The following RRP7A variants were observed in gnomAD, a reference collection of about 807,000 sequenced individuals.
The protein encoded by RRP7A is ribosomal RNA processing 7 homolog A.
Under a neutral mutation model 38.4 loss-of-function variants are expected in RRP7A, and 27 were observed. That is an observed-to-expected ratio of 0.70 (90% CI 0.52 to 0.97). The LOEUF (loss-of-function observed/expected upper bound fraction) is 0.97, where lower values mean the gene tolerates loss of function less well. RRP7A is among the 50% of genes least tolerant of loss of function. The pLI, the probability that RRP7A is intolerant of heterozygous loss-of-function variation, is 0.00. For missense variants in RRP7A, 327 were observed against 375.4 expected, an observed-to-expected ratio of 0.87 and a Z score of 1.07; for synonymous variants, 124 against 150.3, an observed-to-expected ratio of 0.83 and a Z score of 1.28.
In RRP7A at chr22:42,512,906, C is replaced by T. The variant is rs573382202; in HGVS notation, c.*4G>A. 2 of 1,612,868 alleles carry T rather than the reference C, an allele frequency of 1.2e-6. No individual in the cohort carries two copies. The highest frequency in any genetic ancestry group is 3.3e-5 in the Admixed American group (2 of 59,972). On this transcript the variant is annotated 3_prime_UTR_variant, in exon 7 of 7. Coordinates refer to ENST00000323013, the MANE Select transcript of RRP7A (RefSeq NM_015703.5). ...CTCCAGCCATTCACTGCGGCTCTCA[C>T]AGCTCAGTACGGTCGGAATTTGCGC...
chr22:42,516,425 T>C, intron 2 of RRP7A: 1 of 462,258 alleles, frequency 2.2e-6, no homozygotes, highest in South Asian at 1.7e-5. Context: ...TTCTCATGCC[T>C]CAGTCTCCCG....
rs1333236375 is a variant in RRP7A at position 42,510,576 on chromosome 22, G to A, written c.*2334C>T. The A allele has an allele frequency of 7.6e-5, 53 of 694,446 alleles. 2 individuals carry two copies. The highest frequency in any genetic ancestry group is 5.8e-4 in the South Asian group (24 of 41,506). 43.0% of individuals were successfully genotyped at this position (694,446 alleles called of 1,614,324 possible). On this transcript the variant is annotated 3_prime_UTR_variant, in exon 7 of 7. Coordinates refer to ENST00000323013, the MANE Select transcript of RRP7A (RefSeq NM_015703.5). ...GAACCCAGGGCAGGATGGGGGCACC[G>A]CTGGGAGGCGGTTCTAAGATGAACC...
In RRP7A at chr22:42,517,762, C is replaced by T. The variant is rs556018514; in HGVS notation, c.216+243G>A. On this transcript the variant is annotated intron_variant, in intron 2 of 6. Coordinates refer to ENST00000323013, the MANE Select transcript of RRP7A (RefSeq NM_015703.5). Reference sequence around the variant, plus strand: ...CTGGAACTCCTCCCTTCAGGTGATCCGCCCGCCTCAGCCTCCCAAAGTGCT... The same window carrying T: ...CTGGAACTCCTCCCTTCAGGTGATCTGCCCGCCTCAGCCTCCCAAAGTGCT... Among the ~76,000 whole-genome samples, 26 of 152,292 alleles carry T rather than the reference C, an allele frequency of 1.7e-4. 1 individual carries two copies. In the South Asian group the frequency reaches 5.0e-3, roughly 29 times the overall value.
rs544143203 is a variant in RRP7A, at chr22:42,513,362, G to C, written c.758-367C>G. 1.8e-4 allele frequency among the ~76,000 whole-genome samples: 20 copies of C among 108,454 alleles called. No individual in the cohort carries two copies. In the Admixed American group the frequency reaches 1.9e-3, roughly 10 times the overall value. The allele number at this position is 108,454 out of a possible 152,430, so 71.2% of individuals were successfully genotyped here. A position where few individuals can be genotyped will look rare whatever the true frequency, so the allele number is the denominator to read the frequency against. On this transcript the variant is annotated intron_variant, in intron 6 of 6. Coordinates refer to ENST00000323013, the MANE Select transcript of RRP7A (RefSeq NM_015703.5). ...AATCAGTAAAGGCACCCCAGCCCTTGTGCTGGTGAATGCAGATGGCAACCC... is the reference window on the plus strand; with the variant it reads ...AATCAGTAAAGGCACCCCAGCCCTTCTGCTGGTGAATGCAGATGGCAACCC...
In RRP7A at chr22:42,512,793, G is replaced by A. The variant is rs531927112; in HGVS notation, c.*117C>T. The A allele has an allele frequency of 7.7e-5, 78 of 1,016,946 alleles. No homozygotes were observed. The East Asian group carries it at 1.4e-3, about 18-fold the overall frequency. The allele number at this position is 1,016,946 out of a possible 1,614,324, so 63.0% of individuals were successfully genotyped here. ...GGACTCTGATGGGGCTGTTGGACGC[G>A]GTGGCCTTCAACCTGGGGCCCGTTG... On this transcript the variant is annotated 3_prime_UTR_variant, in exon 7 of 7. Transcript: ENST00000323013.
At chr22:42,516,298 T>C in intron 2 of RRP7A, 162 bp from the exon 3 acceptor site, 1 of 905,534 alleles carries the variant, frequency 1.1e-6, no homozygotes, top group Non-Finnish European at 1.7e-6. Flanking sequence ...GCCTCCGACC[T>C]GTTCCCCAGG....
At chr22:42,515,934 C>A in intron 3 of RRP7A, 77 bp downstream of exon 3, 2 of 1,499,960 alleles carry the variant, frequency 1.3e-6, no homozygotes, top group Non-Finnish European at 1.8e-6. Flanking sequence ...TGATGTCCCA[C>A]TGCCAGCTCC....
chr22:42,512,486 G>A lies in RRP7A; in HGVS notation c.*424C>T, dbSNP rs1458343225. On this transcript the variant is annotated 3_prime_UTR_variant, in exon 7 of 7. Transcript: ENST00000323013. ...ATAATCTCCAGCCAGCTGGAGGAAGGAAGGGCGGGCTGGGCCCACCTAGCC... is the reference window on the plus strand; with the variant it reads ...ATAATCTCCAGCCAGCTGGAGGAAGAAAGGGCGGGCTGGGCCCACCTAGCC... 3 of 567,448 alleles carry A rather than the reference G, an allele frequency of 5.3e-6. No individual in the cohort carries two copies. Among genetic ancestry groups the A allele is most frequent in the Non-Finnish European group, 9.4e-6 (3 of 319,732 alleles). 35.2% of individuals were successfully genotyped at this position (567,448 alleles called of 1,614,324 possible). A position where few individuals can be genotyped will look rare whatever the true frequency, so the allele number is the denominator to read the frequency against.
In RRP7A at chr22:42,510,876, G is replaced by A; in HGVS notation, c.*2034C>T. On this transcript the variant is annotated 3_prime_UTR_variant, in exon 7 of 7. Transcript: ENST00000323013. Reference sequence around the variant, plus strand: ...GATCTATCAGGCCTCATGCTCCAGTGATCAGTCCCTAGAGGCCTGGGGACA... The same window carrying A: ...GATCTATCAGGCCTCATGCTCCAGTAATCAGTCCCTAGAGGCCTGGGGACA... 1 of 923,618 alleles carries A rather than the reference G, an allele frequency of 1.1e-6. No homozygotes were observed. The highest frequency in any genetic ancestry group is 1.4e-6 in the Non-Finnish European group (1 of 719,834). 57.2% of individuals were successfully genotyped at this position (923,618 alleles called of 1,614,324 possible).
intron 5 of RRP7A, 56 bp from the exon 6 acceptor site, chr22:42,514,360 C>G: frequency 1.6e-6 from 2 of 1,253,870 alleles, no homozygotes; most frequent in Non-Finnish European, 2.2e-6. Context: ...TCCAGCAGCG[C>G]GCCCTCCACG....
In RRP7A at chr22:42,518,010, T is replaced by C; in HGVS notation, c.211A>G (p.Thr71Ala). 3.1e-6 allele frequency: 5 copies of C among 1,612,652 alleles called. 1 individual carries two copies. The highest frequency in any genetic ancestry group is 3.4e-6 in the Non-Finnish European group (4 of 1,179,292). The change falls in exon 2 of 7, where the codon ACA becomes GCA. Residue 71 changes from threonine to alanine, a missense_variant. Transcript: ENST00000323013. ...CCAGACAGACACTAGCTCACCTCTG[T>C]GCAGTATGGGGGCACATTGAGGACA... ...LFVLNVPPYC[T>A]EESLSRLLST...
chr22:42,519,576 C>G (rs1316495312), intron 1 of RRP7A, 138 bp downstream of exon 1: 3 of 699,154 alleles, frequency 4.3e-6, no homozygotes, highest in Non-Finnish European at 6.3e-6. Context: ...TCAAGACCTG[C>G]GGAGCCTGGG....
In RRP7A at chr22:42,510,451, C is replaced by T. The variant is rs535122919; in HGVS notation, c.*2459G>A. 1.3e-5 allele frequency: 4 copies of T among 303,116 alleles called. No homozygotes were observed. The highest frequency in any genetic ancestry group is 5.2e-5 in the Admixed American group (1 of 19,194). The allele number at this position is 303,116 out of a possible 1,614,324, so 18.8% of individuals were successfully genotyped here. The stretch of plus-strand genomic sequence containing the variant: ...TTGCGCCTGGCTTGTGCCAGCTGAG[C>T]GTGAGCTGAGATTAACTGAGCCTCA... On this transcript the variant is annotated 3_prime_UTR_variant, in exon 7 of 7. Transcript: ENST00000323013.
In RRP7A at chr22:42,508,969, G is replaced by A. The variant is rs1569257355; in HGVS notation, c.*3941C>T. ...AGCCACCCCAACAGAGATGGGTTTCGTGCCCACGAGAGTGCCTGTGCCTTG... is the reference window on the plus strand; with the variant it reads ...AGCCACCCCAACAGAGATGGGTTTCATGCCCACGAGAGTGCCTGTGCCTTG... On this transcript the variant is annotated 3_prime_UTR_variant, in exon 7 of 7. Transcript: ENST00000323013. 25 of 1,609,298 alleles carry A rather than the reference G, an allele frequency of 1.6e-5. No homozygotes were observed. The highest frequency in any genetic ancestry group is 2.2e-5 in the South Asian group (2 of 90,860).
intron 1 of RRP7A, 93 bp downstream of exon 1, chr22:42,519,621 G>A (rs1303449825): frequency 2.8e-5 from 31 of 1,112,312 alleles, no homozygotes; most frequent in South Asian, 4.0e-5. Context: ...CCAACCGTGC[G>A]GCCGCTCCTG....
At chr22:42,516,587 A>C (rs1265367805) in intron 2 of RRP7A, among the ~76,000 whole-genome samples, 2 of 152,248 alleles carry the variant, frequency 1.3e-5, no homozygotes, top group Non-Finnish European at 2.9e-5. Flanking sequence ...TGCTGGGATT[A>C]CAGGCGTGAG....
intron 1 of RRP7A, 122 bp downstream of exon 1, chr22:42,519,592 G>A (rs1256273977): frequency 5.2e-5 from 44 of 840,546 alleles, no homozygotes; most frequent in African/African-American, 1.1e-4. Flanking sequence ...CTGGGGCCAC[G>A]GGCCACCGGG....
At chr22:42,517,142 G>C (rs980688164) in intron 2 of RRP7A, among the ~76,000 whole-genome samples, 1 of 151,984 alleles carries the variant, frequency 6.6e-6, no homozygotes, top group Non-Finnish European at 1.5e-5. Context: ...GCCGGGCATG[G>C]TGGTGGGCGC....
rs774594080 is a variant in RRP7A, at chr22:42,518,008, T to C, written c.213A>G (p.Thr71=). 1.9e-5 allele frequency: 31 copies of C among 1,612,478 alleles called. 2 individuals are homozygous for C. The highest frequency in any genetic ancestry group is 2.5e-5 in the Non-Finnish European group (29 of 1,179,280). Residue 71 remains threonine (T), a synonymous_variant, in exon 2 of 7, where the codon ACA becomes ACG. Transcript: ENST00000323013. The part of the protein sequence containing the change: ...LFVLNVPPYC[T]EESLSRLLST... ...TCCCAGACAGACACTAGCTCACCTC[T>C]GTGCAGTATGGGGGCACATTGAGGA...
Sources: allele counts gnomAD v4.1 joint callset (sites outside exome capture counted in the v4.1 genomes callset), GRCh38; gene constraint gnomAD v4.1.1; transcripts MANE v1.5; gene names NCBI Gene and HGNC (gene_info 2026-07-23, HGNC 2026-07-21).